The following MZT1 variants were observed in gnomAD, a reference collection of about 807,000 sequenced individuals.
MZT1 encodes the protein mitotic-spindle organizing protein 1.
In MZT1, 8 loss-of-function variants were observed where a neutral mutation model predicts 8.5. The observed-to-expected ratio is 0.94, with a 90% confidence interval of 0.55 to 1.70. The LOEUF (loss-of-function observed/expected upper bound fraction) is 1.70, where lower values mean the gene tolerates loss of function less well. Ranked by LOEUF, MZT1 falls within the 40% of genes most tolerant of loss-of-function variation. The pLI is 0.00. For missense variants in MZT1, 93 were observed against 108.6 expected, an observed-to-expected ratio of 0.86 and a Z score of 0.64; for synonymous variants, 38 against 42.0, an observed-to-expected ratio of 0.90 and a Z score of 0.37.
chr13:72,724,752 A>ATGTGTGTGTGTGTG lies in MZT1; in HGVS notation c.79+2771_79+2772insCACACACACACACA, dbSNP rs1555270950. Among the ~76,000 whole-genome samples, 177 of 56,846 alleles carry ATGTGTGTGTGTGTG rather than the reference A, an allele frequency of 3.1e-3. 9 individuals are homozygous for ATGTGTGTGTGTGTG. Among genetic ancestry groups the ATGTGTGTGTGTGTG allele is most frequent in the South Asian group, 8.0e-3 (10 of 1,250 alleles). The allele number at this position is 56,846 out of a possible 152,430, so 37.3% of individuals were successfully genotyped here. On this transcript the variant is annotated intron_variant, in intron 1 of 2. Transcript: ENST00000377818. The stretch of plus-strand genomic sequence containing the variant: ...TATATATATATATACACATATATAT[A>ATGTGTGTGTGTGTG]TGTAAAGTGGTGCTACAGGCCGGGC...
At chr13:72,710,567 A>G (rs537610408) in intron 2 of MZT1, among the ~76,000 whole-genome samples, 14 of 152,308 alleles carry the variant, frequency 9.2e-5, no homozygotes, top group African/African-American at 2.9e-4. Flanking sequence ...GAAAATAGTT[A>G]TATCACCTAA....
At position 72,708,659 on chromosome 13, in the gene MZT1, GATTTTAT is replaced by G. The variant is rs955370441; in HGVS notation, c.*1656_*1662del. The stretch of plus-strand genomic sequence containing the variant: ...GGAGTCTGACAAAAGTGTTCTTTAT[GATTTTAT>G]AAATAACACATAGTATTTGTAGTGT... On this transcript the variant is annotated 3_prime_UTR_variant, in exon 3 of 3. Transcript: ENST00000377818. 6.6e-5 allele frequency: 10 copies of G among 152,240 alleles called. No homozygotes were observed. The highest frequency in any genetic ancestry group is 2.4e-4 in the African/African-American group (10 of 41,506). 9.4% of individuals were successfully genotyped at this position (152,240 alleles called of 1,614,324 possible).
At chr13:72,717,975 G>GC (rs1192152373) in intron 2 of MZT1, among the ~76,000 whole-genome samples, 1 of 152,072 alleles carries the variant, frequency 6.6e-6, no homozygotes, top group Non-Finnish European at 1.5e-5. Flanking sequence ...ATTTGTTACA[G>GC]CAACACCCCA....
rs1315126903 is a variant in MZT1, at chr13:72,709,287, T to C, written c.*1035A>G. The stretch of plus-strand genomic sequence containing the variant: ...TGGAAATCCTTATTTCTTCAAAAAA[T>C]AGCAAGTATCCTTTGAAACACATCA... On this transcript the variant is annotated 3_prime_UTR_variant, in exon 3 of 3. Transcript: ENST00000377818. The C allele has an allele frequency of 1.3e-5, 2 of 151,900 alleles. No homozygotes were observed. The highest frequency in any genetic ancestry group is 4.8e-5 in the African/African-American group (2 of 41,438). 9.4% of individuals were successfully genotyped at this position (151,900 alleles called of 1,614,324 possible).
At chr13:72,727,407 T>G in intron 1 of MZT1, 117 bp downstream of exon 1, 1 of 1,020,704 alleles carries the variant, frequency 9.8e-7, no homozygotes, top group Non-Finnish European at 1.6e-6. Flanking sequence ...CCAAAGATCT[T>G]GGAAGATGCC....
intron 1 of MZT1, among the ~76,000 whole-genome samples, chr13:72,723,198 T>G (rs2032606997): frequency 6.6e-6 from 1 of 152,234 alleles, no homozygotes; most frequent in East Asian, 1.9e-4. Flanking sequence ...CCTCTGCCTT[T>G]TATCCTCCCT....
intron 1 of MZT1, among the ~76,000 whole-genome samples, chr13:72,722,706 A>G (rs1258550879): frequency 6.6e-6 from 1 of 152,220 alleles, no homozygotes; most frequent in East Asian, 1.9e-4. Context: ...TCAGTGAGGC[A>G]GGGTAGCATG....
chr13:72,710,957 T>A (rs1223099920), intron 2 of MZT1, among the ~76,000 whole-genome samples: 2 of 152,172 alleles, frequency 1.3e-5, no homozygotes, highest in Non-Finnish European at 2.9e-5. Flanking sequence ...TTTAAATAAG[T>A]TTAATTTTAG....
chr13:72,723,347 C>T (rs1231798446), intron 1 of MZT1, among the ~76,000 whole-genome samples: 2 of 152,182 alleles, frequency 1.3e-5, no homozygotes, highest in African/African-American at 4.8e-5. Flanking sequence ...TAGTGCCTAC[C>T]ATATGATCAG....
chr13:72,727,257 C>T (rs2032680328), intron 1 of MZT1, among the ~76,000 whole-genome samples: 1 of 152,154 alleles, frequency 6.6e-6, no homozygotes, highest in Non-Finnish European at 1.5e-5. Context: ...AGAGGGGGCG[C>T]GGCATTCGCG....
At chr13:72,725,990 A>T (rs2032650003) in intron 1 of MZT1, among the ~76,000 whole-genome samples, 1 of 152,144 alleles carries the variant, frequency 6.6e-6, no homozygotes, top group Non-Finnish European at 1.5e-5. Flanking sequence ...AATAAGCTGA[A>T]TATTAAGAGT....
At chr13:72,710,830 C>T (rs1054900140) in intron 2 of MZT1, among the ~76,000 whole-genome samples, 1 of 152,094 alleles carries the variant, frequency 6.6e-6, no homozygotes, top group Non-Finnish European at 1.5e-5. Context: ...TGAAGAAATT[C>T]CAAGATACCA....
intron 2 of MZT1, 121 bp downstream of exon 2, chr13:72,718,831 C>T: frequency 8.6e-6 from 8 of 929,396 alleles, no homozygotes; most frequent in Non-Finnish European, 9.3e-6. Flanking sequence ...TCCTGGTCTT[C>T]TAGTGGTGTT....
At chr13:72,726,200 C>A (rs2032654071) in intron 1 of MZT1, among the ~76,000 whole-genome samples, 1 of 152,122 alleles carries the variant, frequency 6.6e-6, no homozygotes, top group Non-Finnish European at 1.5e-5. Flanking sequence ...GAGGCCGAGG[C>A]ATGTGGATCA....
At chr13:72,710,947 T>C (rs1347214890) in intron 2 of MZT1, among the ~76,000 whole-genome samples, 1 of 152,172 alleles carries the variant, frequency 6.6e-6, no homozygotes, top group Non-Finnish European at 1.5e-5. Flanking sequence ...AAGATATAAT[T>C]TTAAATAAGT....
rs369029106 is a variant in MZT1 at position 72,711,734 on chromosome 13, G to A, written c.226-1389C>T. Among the ~76,000 whole-genome samples, 39 of 151,356 alleles carry A rather than the reference G, an allele frequency of 2.6e-4. 1 individual carries two copies. The highest frequency in any genetic ancestry group is 8.7e-4 in the African/African-American group (36 of 41,310). On this transcript the variant is annotated intron_variant, in intron 2 of 2. Coordinates refer to ENST00000377818, the MANE Select transcript of MZT1 (RefSeq NM_001071775.3). ...AAAAAAATGAGAAAAAAATTCATGA[G>A]CAGCAACCACACAAGGCAGGGAGAA...
At chr13:72,722,789 C>G (rs2032603634) in intron 1 of MZT1, among the ~76,000 whole-genome samples, 1 of 152,204 alleles carries the variant, frequency 6.6e-6, no homozygotes, top group African/African-American at 2.4e-5. Context: ...GGGGAAACCT[C>G]TCTCTTCCTA....
rs1194640244 is a variant in MZT1, at chr13:72,710,357, A to T, written c.226-12T>A. The T allele has an allele frequency of 5.0e-6, 8 of 1,612,848 alleles. No individual in the cohort carries two copies. Among genetic ancestry groups the T allele is most frequent in the Non-Finnish European group, 6.8e-6 (8 of 1,179,140 alleles). ...ATATTTTCAGCAGCCTAGAACAAGAAAGTAAGATTCATTACAATAAAACCA... is the reference window on the plus strand; with the variant it reads ...ATATTTTCAGCAGCCTAGAACAAGATAGTAAGATTCATTACAATAAAACCA... On this transcript the variant is annotated splice_polypyrimidine_tract_variant and intron_variant, in intron 2 of 2. Coordinates refer to ENST00000377818, the MANE Select transcript of MZT1 (RefSeq NM_001071775.3).
At chr13:72,727,467 TG>T (rs1322452693) in intron 1 of MZT1, 56 bp downstream of exon 1, 8 of 1,561,858 alleles carry the variant, frequency 5.1e-6, no homozygotes, top group East Asian at 2.2e-5. Context: ...CATTCCCGCC[TG>T]GGGGCCTTGG....
Sources: allele counts gnomAD v4.1 joint callset (sites outside exome capture counted in the v4.1 genomes callset), GRCh38; gene constraint gnomAD v4.1.1; transcripts MANE v1.5; gene names NCBI Gene and HGNC (gene_info 2026-07-23, HGNC 2026-07-21).